ACSL1: variants seen among roughly 807,000 people sequenced by gnomAD.
ACSL1 encodes long-chain-fatty-acid--CoA ligase 1.
ACSL1 carries 41 observed loss-of-function variants against 98.4 expected under a neutral mutation model. The observed-to-expected ratio is 0.42, with a 90% CI of 0.32 to 0.54. ACSL1 has a LOEUF of 0.54. Ranked by LOEUF, ACSL1 falls within the 20% of genes least tolerant of loss-of-function variation. The pLI is 0.13. For missense variants in ACSL1, 734 were observed against 883.1 expected, an observed-to-expected ratio of 0.83 and a Z score of 2.14; for synonymous variants, 316 against 322.7, an observed-to-expected ratio of 0.98 and a Z score of 0.22.
At chr4:184,819,715 G>C (rs914947563) in intron 1 of ACSL1, among the ~76,000 whole-genome samples, 1 of 152,102 alleles carries the variant, frequency 6.6e-6, no homozygotes, top group African/African-American at 2.4e-5. Flanking sequence ...AGAAGCCCCT[G>C]ACAGGCAAGG....
At chr4:184,769,471 T>C (rs1196611913) in intron 11 of ACSL1, among the ~76,000 whole-genome samples, 1 of 152,220 alleles carries the variant, frequency 6.6e-6, no homozygotes, top group African/African-American at 2.4e-5. Context: ...TGTTTAACAA[T>C]TACAGCTCAG....
At chr4:184,767,900 T>G in intron 12 of ACSL1, 1 of 221,024 alleles carries the variant, frequency 4.5e-6, no homozygotes, top group Non-Finnish European at 8.8e-6. Context: ...ATGTTTTACA[T>G]GTCCATGCAA....
chr4:184,820,801 C>T (rs1773010700), intron 1 of ACSL1, among the ~76,000 whole-genome samples: 1 of 151,838 alleles, frequency 6.6e-6, no homozygotes, highest in African/African-American at 2.4e-5. Flanking sequence ...GACGGGGTTT[C>T]ACCATATTGG....
intron 7 of ACSL1, among the ~76,000 whole-genome samples, chr4:184,775,487 G>A (rs1428014225): frequency 6.6e-6 from 1 of 152,084 alleles, no homozygotes; most frequent in African/African-American, 2.4e-5. Flanking sequence ...ACAGAAGTGG[G>A]GAAACACTAG....
intron 10 of ACSL1, among the ~76,000 whole-genome samples, chr4:184,771,239 G>A (rs1186319415): frequency 6.6e-6 from 1 of 152,096 alleles, no homozygotes; most frequent in Non-Finnish European, 1.5e-5. Context: ...AAATTGGAAG[G>A]TTAAGGGATT....
At position 184,764,887 on chromosome 4, in the gene ACSL1, C is replaced by T. The variant is rs748836543; in HGVS notation, c.1398G>A (p.Gly466=). The change falls in exon 15 of 21, where the codon GGG becomes GGA. Residue 466 remains glycine, a synonymous_variant. Coordinates refer to ENST00000281455, the MANE Select transcript of ACSL1 (RefSeq NM_001995.5). ...AGTCTCCAGGCATGGTCAGGCAGCA[C>T]CCGGCAGTGCACTCTGTCTGTCCGT... ...EGYGQTECTA[G]CCLTMPGDWT... 6.2e-7 allele frequency: 1 copy of T among 1,614,050 alleles called. No individual in the cohort carries two copies. Among genetic ancestry groups the T allele is most frequent in the South Asian group, 1.1e-5 (1 of 91,076 alleles).
At chr4:184,796,150 G>C (rs1442311642) in intron 2 of ACSL1, among the ~76,000 whole-genome samples, 1 of 152,194 alleles carries the variant, frequency 6.6e-6, no homozygotes, top group African/African-American at 2.4e-5. Flanking sequence ...AGAGGAATTT[G>C]AAAAGACTAG....
chr4:184,767,504 G>A (rs974240136), intron 12 of ACSL1, among the ~76,000 whole-genome samples: 2 of 151,866 alleles, frequency 1.3e-5, no homozygotes, highest in Non-Finnish European at 2.9e-5. Flanking sequence ...GGAGGGGGTC[G>A]GGGAGCTGAT....
At chr4:184,765,020 A>C (rs1047835090) in intron 14 of ACSL1, 95 bp from the exon 15 acceptor site, 6 of 1,211,022 alleles carry the variant, frequency 5.0e-6, no homozygotes, top group Non-Finnish European at 5.9e-6. Context: ...CTCCCAAGTC[A>C]TGGCTGACTG....
chr4:184,814,227 C>T (rs1019121945), intron 1 of ACSL1, among the ~76,000 whole-genome samples: 11 of 136,498 alleles, frequency 8.1e-5, no homozygotes, highest in African/African-American at 2.7e-4. Context: ...GGAGGCGGAG[C>T]TTGCAGTGAG....
chr4:184,776,852 G>A (rs781591223), intron 6 of ACSL1, 32 bp downstream of exon 6: 5 of 1,603,204 alleles, frequency 3.1e-6, no homozygotes, highest in Non-Finnish European at 4.3e-6. Flanking sequence ...CAATAACTAT[G>A]CCAATAATCC....
chr4:184,773,997 A>G lies in ACSL1; in HGVS notation c.757-122T>C, dbSNP rs1764899291. ...GTTCATTCACACCTGGCTCGAAAAC[A>G]GCATAATTTTCTAATTAAAGAAACT... On this transcript the variant is annotated intron_variant, in intron 7 of 20. Coordinates refer to ENST00000281455, the MANE Select transcript of ACSL1 (RefSeq NM_001995.5). The surrounding 1 kb of genome is among the most constrained non-coding windows in gnomAD (Gnocchi z 4.3). 5.9e-6 allele frequency: 6 copies of G among 1,023,426 alleles called. No homozygotes were observed. The South Asian group carries it at 8.8e-5, about 15-fold the overall frequency. The allele number at this position is 1,023,426 out of a possible 1,614,324, so 63.4% of individuals were successfully genotyped here.
rs1182643316 is a variant in ACSL1, at chr4:184,825,517, G to C, written c.-33+399C>G. Among the ~76,000 whole-genome samples the C allele has an allele frequency of 1.3e-5, 2 of 151,766 alleles. No homozygotes were observed. The highest frequency in any genetic ancestry group is 2.1e-4 in the South Asian group (1 of 4,834). ...CTCTGGGCAGGCGGGGGCCGCGGAC[G>C]AGGGCAACGTCAGCGGCCCAGCTGG... On this transcript the variant is annotated intron_variant, in intron 1 of 20. Coordinates refer to ENST00000281455, the MANE Select transcript of ACSL1 (RefSeq NM_001995.5). The surrounding 1 kb of genome is among the most constrained non-coding windows in gnomAD (Gnocchi z 4.7).
At chr4:184,810,414 CATCTTATATTGGGACAGGA>C (rs1410066604) in intron 1 of ACSL1, among the ~76,000 whole-genome samples, 1 of 152,138 alleles carries the variant, frequency 6.6e-6, no homozygotes, top group East Asian at 1.9e-4. Context: ...GGGACACTTT[CATCTTATATTGGGACAGGA>C]ATCTTATATT....
intron 4 of ACSL1, 22 bp downstream of exon 4, chr4:184,783,905 A>C: frequency 6.2e-7 from 1 of 1,608,564 alleles, no homozygotes; most frequent in Non-Finnish European, 8.5e-7. Flanking sequence ...GAGTCCACAG[A>C]GCCTGTCTCA....
chr4:184,793,747 G>A (rs748980256), intron 2 of ACSL1, among the ~76,000 whole-genome samples: 5 of 152,140 alleles, frequency 3.3e-5, no homozygotes, highest in Non-Finnish European at 7.4e-5. Flanking sequence ...GACGTGGCTG[G>A]GTTCTAATGC....
chr4:184,774,236 T>G (rs996811260), intron 7 of ACSL1, among the ~76,000 whole-genome samples: 1 of 152,196 alleles, frequency 6.6e-6, no homozygotes, highest in Non-Finnish European at 1.5e-5. Flanking sequence ...AGCCCTGTTC[T>G]TAACCATAAC....
chr4:184,805,549 C>T, intron 1 of ACSL1: 1 of 984,924 alleles, frequency 1.0e-6, no homozygotes, highest in Non-Finnish European at 1.2e-6. Flanking sequence ...CAACAGCTGA[C>T]TACTAGGTGA....
rs139246534 is a variant in ACSL1, at chr4:184,804,155, C to T, written c.-32-609G>A. Among the ~76,000 whole-genome samples, 404 of 152,334 alleles carry T rather than the reference C, an allele frequency of 2.7e-3. 4 individuals are homozygous for T. The highest frequency in any genetic ancestry group is 9.4e-3 in the African/African-American group (391 of 41,566). On this transcript the variant is annotated intron_variant, in intron 1 of 20. Coordinates refer to ENST00000281455, the MANE Select transcript of ACSL1 (RefSeq NM_001995.5). Reference sequence around the variant, plus strand: ...TATCTGGTAAGATGAGTTTCTTTTACACTCCCCAAGACATTATAGCCAAAA... The same window carrying T: ...TATCTGGTAAGATGAGTTTCTTTTATACTCCCCAAGACATTATAGCCAAAA...
Sources: allele counts gnomAD v4.1 joint callset (sites outside exome capture counted in the v4.1 genomes callset), GRCh38; gene constraint gnomAD v4.1.1; non-coding constraint Gnocchi (gnomAD v3.1); transcripts MANE v1.5; gene names NCBI Gene and HGNC (gene_info 2026-07-23, HGNC 2026-07-21).